MEGF6: variants seen among roughly 807,000 people sequenced by gnomAD.
The protein encoded by MEGF6 is multiple EGF like domains 6, also known as multiple epidermal growth factor-like domains protein 6.
MEGF6 carries 184 observed loss-of-function variants against 207.1 expected under a neutral mutation model. The observed-to-expected ratio is 0.89, with a 90% CI of 0.79 to 1.00. MEGF6 has a LOEUF of 1.00. Among genes scored for constraint, MEGF6 ranks in the 50% least tolerant of loss-of-function variants. The pLI is 0.00. For synonymous variants in MEGF6, 1,038 were observed against 910.0 expected (o/e 1.14, Z -2.53); for missense variants, 2,282 against 2,202.9 (o/e 1.04, Z -0.72).
At chr1:3,543,274 TG>T (rs370877276) in intron 4 of MEGF6, among the ~76,000 whole-genome samples, 28 of 152,114 alleles carry the variant, frequency 1.8e-4, no homozygotes, top group African/African-American at 6.8e-4. Flanking sequence ...CCCATCAACT[TG>T]GCACACACTG....
chr1:3,585,543 CAT>C (rs760342559), intron 3 of MEGF6, among the ~76,000 whole-genome samples: 7 of 133,502 alleles, frequency 5.2e-5, no homozygotes, highest in Admixed American at 1.5e-4. Context: ...GGGTGTGACA[CAT>C]GTCCTGTGTG....
At chr1:3,517,395 T>A (rs1641582744) in intron 5 of MEGF6, among the ~76,000 whole-genome samples, 1 of 151,782 alleles carries the variant, frequency 6.6e-6, no homozygotes, top group South Asian at 2.1e-4. Flanking sequence ...GAGGCAGGGA[T>A]CCCCCCAGAG....
chr1:3,497,658 C>A, intron 26 of MEGF6: 1 of 585,846 alleles, frequency 1.7e-6, no homozygotes, highest in Non-Finnish European at 3.2e-6. Flanking sequence ...AGAGCTCAGC[C>A]TCTGGCAGCC....
chr1:3,513,675 T>C (rs1470606010), intron 7 of MEGF6, among the ~76,000 whole-genome samples: 1 of 137,186 alleles, frequency 7.3e-6, no homozygotes, highest in African/African-American at 2.7e-5. Context: ...ACTGCAGCCT[T>C]GACCTCCTGG....
chr1:3,508,812 C>T (rs1641216921), intron 12 of MEGF6, 123 bp from the exon 13 acceptor site: 2 of 1,295,622 alleles, frequency 1.5e-6, no homozygotes, highest in Non-Finnish European at 2.1e-6. Flanking sequence ...CCATGAGGGC[C>T]CCCAAAGGGT....
chr1:3,578,213 A>G (rs913872679), intron 4 of MEGF6, among the ~76,000 whole-genome samples: 1 of 152,236 alleles, frequency 6.6e-6, no homozygotes, highest in African/African-American at 2.4e-5. Flanking sequence ...AGTGAGCCAC[A>G]GCCCCGTCCC....
At chr1:3,526,309 G>A (rs995923230) in intron 4 of MEGF6, among the ~76,000 whole-genome samples, 2 of 152,126 alleles carry the variant, frequency 1.3e-5, no homozygotes, top group Admixed American at 6.5e-5. Flanking sequence ...AGGAGAGGAG[G>A]GCAAGAGCCC....
intron 4 of MEGF6, among the ~76,000 whole-genome samples, chr1:3,543,437 T>G (rs531281882): frequency 2.0e-5 from 3 of 152,320 alleles, no homozygotes; most frequent in South Asian, 4.1e-4. Flanking sequence ...ACTACATTTT[T>G]GGGGGAGGCT....
At chr1:3,603,818 G>A (rs979214868) in intron 1 of MEGF6, among the ~76,000 whole-genome samples, 8 of 145,748 alleles carry the variant, frequency 5.5e-5, no homozygotes, top group Admixed American at 2.2e-4. Flanking sequence ...TGCCCGCCCC[G>A]TCCAGCCACC....
At position 3,565,436 on chromosome 1, in the gene MEGF6, G is replaced by A. The variant is rs571200540; in HGVS notation, c.481+14389C>T. On this transcript the variant is annotated intron_variant, in intron 4 of 36. Coordinates refer to ENST00000356575, the MANE Select transcript of MEGF6 (RefSeq NM_001409.4). The surrounding 1 kb of genome is among the most constrained non-coding windows in gnomAD (Gnocchi z 4.8). ...AGGGGGTGCCAGCGCCCCACCCTGA[G>A]CACGCGGCAAGAAGGGAGGTGGGGA... Among the ~76,000 whole-genome samples the A allele has an allele frequency of 5.1e-4, 77 of 152,314 alleles. 1 individual carries two copies. The highest frequency in any genetic ancestry group is 1.8e-3 in the African/African-American group (74 of 41,570).
At chr1:3,493,412 G>T in intron 34 of MEGF6, 1 of 340,970 alleles carries the variant, frequency 2.9e-6, no homozygotes, top group South Asian at 3.8e-5. Flanking sequence ...CTATCCTCAG[G>T]TGGGGCCCTC....
the MEGF6 span, among the ~76,000 whole-genome samples, chr1:3,622,718 C>T: frequency 6.6e-6 from 1 of 152,170 alleles, no homozygotes; most frequent in East Asian, 1.9e-4. Context: ...GCAGAGGGAG[C>T]ATGGCCCTGC....
chr1:3,488,136 A>T lies in MEGF6; in HGVS notation c.*2392T>A, dbSNP rs184363668. Among the ~76,000 whole-genome samples, 81 of 152,246 alleles carry T rather than the reference A, an allele frequency of 5.3e-4. No homozygotes were observed. Among genetic ancestry groups the T allele is most frequent in the Non-Finnish European group, 9.0e-4 (61 of 68,028 alleles). ...AATATCCTCCTTCTTGCTGCTTGAA[A>T]CTATATAATATATGGTCAGGAGTTT... On this transcript the variant is annotated 3_prime_UTR_variant, in exon 37 of 37. Coordinates refer to ENST00000356575, the MANE Select transcript of MEGF6 (RefSeq NM_001409.4).
intron 4 of MEGF6, among the ~76,000 whole-genome samples, chr1:3,539,527 G>A (rs1002309786): frequency 2.0e-5 from 3 of 152,100 alleles, no homozygotes; most frequent in Admixed American, 6.5e-5. Context: ...GACTTGGCCC[G>A]GGTCATGCAG....
At chr1:3,584,496 G>C (rs72853601) in intron 3 of MEGF6, among the ~76,000 whole-genome samples, 25 of 152,344 alleles carry the variant, frequency 1.6e-4, no homozygotes, top group African/African-American at 5.8e-4. Flanking sequence ...GCTCTCCAAA[G>C]GTGATCGCTG....
chr1:3,496,480 A>G (rs1003772931), intron 29 of MEGF6, among the ~76,000 whole-genome samples, 175 bp downstream of exon 29: 8 of 152,222 alleles, frequency 5.3e-5, no homozygotes, highest in African/African-American at 1.9e-4. Context: ...AGACACCCCC[A>G]GCGCTGCAGG....
At chr1:3,609,425 C>T (rs564429040) in intron 1 of MEGF6, among the ~76,000 whole-genome samples, 33 of 152,334 alleles carry the variant, frequency 2.2e-4, no homozygotes, top group South Asian at 8.3e-4. Context: ...GTGGAAGGCA[C>T]GCCTGCCACC....
intron 35 of MEGF6, 96 bp from the exon 36 acceptor site, chr1:3,491,055 A>C (rs1569912030): frequency 2.8e-6 from 3 of 1,090,566 alleles, no homozygotes; most frequent in South Asian, 1.7e-5. Flanking sequence ...GCCTTCAGGG[A>C]CCTCCACTTC....
intron 3 of MEGF6, among the ~76,000 whole-genome samples, chr1:3,580,222 G>A (rs1643759306): frequency 6.6e-6 from 1 of 151,662 alleles, no homozygotes; most frequent in Admixed American, 6.6e-5. Context: ...GGGGAAGGTG[G>A]GCAGGGAGTG....
Sources: gnomAD v4.1 joint callset for allele counts (sites outside exome capture counted in the v4.1 genomes callset) on GRCh38, gnomAD v4.1.1 for gene constraint, Gnocchi (gnomAD v3.1) non-coding constraint, MANE v1.5 for transcripts, NCBI Gene and HGNC (gene_info 2026-07-23, HGNC 2026-07-21) for gene names.